ISCA1: variants seen among roughly 807,000 people sequenced by gnomAD.
ISCA1 encodes iron-sulfur cluster assembly 1 homolog, mitochondrial.
In ISCA1, 9 loss-of-function variants were observed where a neutral mutation model predicts 14.7. The observed-to-expected ratio is 0.61, with a 90% CI of 0.37 to 1.07. ISCA1 has a LOEUF of 1.07. ISCA1 is among the 50% of genes least tolerant of loss of function. The pLI is 0.01. For missense variants in ISCA1, 102 were observed against 150.1 expected (o/e 0.68, Z 1.67); for synonymous variants, 38 against 54.3 (o/e 0.70, Z 1.32).
At chr9:86,281,195 C>G (rs758901228) in intron 1 of ISCA1, among the ~76,000 whole-genome samples, 1 of 152,092 alleles carries the variant, frequency 6.6e-6, no homozygotes, top group Non-Finnish European at 1.5e-5. Flanking sequence ...CTTGCTCCTA[C>G]AGAAAAGAGG....
intron 2 of ISCA1, among the ~76,000 whole-genome samples, chr9:86,273,188 G>C (rs1825394332): frequency 6.6e-6 from 1 of 152,150 alleles, no homozygotes; most frequent in East Asian, 1.9e-4. Flanking sequence ...AATGTAGTAG[G>C]TTAACAACAG....
At chr9:86,273,957 C>A (rs1252044830) in intron 2 of ISCA1, among the ~76,000 whole-genome samples, 1 of 152,130 alleles carries the variant, frequency 6.6e-6, no homozygotes, top group African/African-American at 2.4e-5. Context: ...TGGAAGGATA[C>A]CAAAGAGATT....
At chr9:86,274,301 A>G in intron 1 of ISCA1, 59 bp from the exon 2 acceptor site, 1 of 1,143,938 alleles carries the variant, frequency 8.7e-7, no homozygotes, top group South Asian at 1.3e-5. Flanking sequence ...CCTCATATTT[A>G]TCAGTCTTCG....
At chr9:86,269,039 C>T (rs1287237529) in intron 3 of ISCA1, among the ~76,000 whole-genome samples, 3 of 152,046 alleles carry the variant, frequency 2.0e-5, no homozygotes, top group African/African-American at 7.2e-5. Context: ...CATGATCCAC[C>T]CACCTCGGCC....
chr9:86,268,167 G>A (rs1282413808), intron 3 of ISCA1, among the ~76,000 whole-genome samples: 1 of 151,960 alleles, frequency 6.6e-6, no homozygotes, highest in Non-Finnish European at 1.5e-5. Flanking sequence ...GAGGTATCCA[G>A]AAGAAGGCAT....
In ISCA1 at chr9:86,280,185, C is replaced by T. The variant is rs931445236; in HGVS notation, c.81+2193G>A. Among the ~76,000 whole-genome samples, 11 of 152,148 alleles carry T rather than the reference C, an allele frequency of 7.2e-5. No homozygotes were observed. In the South Asian group the frequency reaches 1.2e-3, roughly 17 times the overall value. On this transcript the variant is annotated intron_variant, in intron 1 of 3. Coordinates refer to ENST00000375991, the MANE Select transcript of ISCA1 (RefSeq NM_030940.4). ...AAAGGCTTGGCCTGCGACTGTGCCC[C>T]GTAGGCTGGGAACTGTATAACTCAT...
chr9:86,273,636 A>G (rs1331906119), intron 2 of ISCA1, among the ~76,000 whole-genome samples: 3 of 152,238 alleles, frequency 2.0e-5, no homozygotes, highest in African/African-American at 4.8e-5. Context: ...ATACACAGGA[A>G]TAACAAGCCC....
intron 2 of ISCA1, among the ~76,000 whole-genome samples, 200 bp downstream of exon 2, chr9:86,273,989 C>T (rs983448561): frequency 2.0e-5 from 3 of 152,144 alleles, no homozygotes; most frequent in Admixed American, 6.5e-5. Context: ...GGAAGAATGA[C>T]GACGAAGAGT....
chr9:86,273,942 A>G (rs1489214961), intron 2 of ISCA1, among the ~76,000 whole-genome samples: 1 of 152,232 alleles, frequency 6.6e-6, no homozygotes, highest in Non-Finnish European at 1.5e-5. Flanking sequence ...TGTATACATT[A>G]TCCCTGGAAG....
At position 86,265,733 on chromosome 9, in the gene ISCA1, A is replaced by T. The variant is rs143819870; in HGVS notation, c.*310T>A. On this transcript the variant is annotated 3_prime_UTR_variant, in exon 4 of 4. Coordinates refer to ENST00000375991, the MANE Select transcript of ISCA1 (RefSeq NM_030940.4). ...ATGCTGAGGGATGATCAAGCCATCA[A>T]TAGCGATCTAAGGAGTGCACACAGT... The T allele has an allele frequency of 2.7e-6, 1 of 373,722 alleles. No individual in the cohort carries two copies. The highest frequency in any genetic ancestry group is 5.1e-6 in the Non-Finnish European group (1 of 196,476). The allele number at this position is 373,722 out of a possible 1,614,324, so 23.2% of individuals were successfully genotyped here.
chr9:86,271,914 C>A (rs1587819036), intron 3 of ISCA1, 93 bp downstream of exon 3: 3 of 695,920 alleles, frequency 4.3e-6, no homozygotes, highest in East Asian at 2.6e-5. Context: ...TTACATAATT[C>A]CTGCTACTAT....
chr9:86,271,145 C>T (rs992819049), intron 3 of ISCA1, among the ~76,000 whole-genome samples: 2 of 151,936 alleles, frequency 1.3e-5, no homozygotes, highest in Non-Finnish European at 2.9e-5. Flanking sequence ...TGTTTAGGTA[C>T]GTTTACACAA....
intron 1 of ISCA1, among the ~76,000 whole-genome samples, chr9:86,280,786 T>C (rs1825502726): frequency 6.6e-6 from 1 of 151,716 alleles, no homozygotes; most frequent in South Asian, 2.1e-4. Flanking sequence ...CCTAGGTGCA[T>C]GCATGACGGT....
chr9:86,272,095 A>C lies in ISCA1; in HGVS notation c.153T>G (p.Gly51=). The change falls in exon 3 of 4, where the codon GGT becomes GGG. Residue 51 remains glycine (G), a synonymous_variant. Transcript: ENST00000375991. The stretch of plus-strand genomic sequence containing the variant: ...GGCCATTACAGCCCCTGGTTCGGAC[A>C]CCAACTTTTACACCTACCTGAAAAA... The part of the protein sequence containing the change: ...DKPEHVGVKV[G]VRTRGCNGLS... 1 of 1,592,716 alleles carries C rather than the reference A, an allele frequency of 6.3e-7. No individual in the cohort carries two copies. Among genetic ancestry groups the C allele is most frequent in the East Asian group, 2.2e-5 (1 of 44,760 alleles).
At chr9:86,268,453 A>AC (rs1825319617) in intron 3 of ISCA1, among the ~76,000 whole-genome samples, 2 of 151,696 alleles carry the variant, frequency 1.3e-5, no homozygotes, top group African/African-American at 4.8e-5. Context: ...CAAAAAAAAA[A>AC]AAAAAAACCC....
chr9:86,269,663 G>C lies in ISCA1; in HGVS notation c.241+2344C>G, dbSNP rs529383305. Among the ~76,000 whole-genome samples the C allele has an allele frequency of 1.1e-3, 172 of 151,784 alleles. 1 individual carries two copies. The highest frequency in any genetic ancestry group is 3.8e-3 in the African/African-American group (157 of 41,402). On this transcript the variant is annotated intron_variant, in intron 3 of 3. Transcript: ENST00000375991. Reference sequence around the variant, plus strand: ...ATCCTAAGCCAAAAGAACAAAGCTGGAGGCATCACGCTACTTGACTTCAAA... The same window carrying C: ...ATCCTAAGCCAAAAGAACAAAGCTGCAGGCATCACGCTACTTGACTTCAAA...
At chr9:86,269,269 A>T (rs1433240465) in intron 3 of ISCA1, among the ~76,000 whole-genome samples, 2 of 152,210 alleles carry the variant, frequency 1.3e-5, no homozygotes, top group South Asian at 4.1e-4. Flanking sequence ...AATGCACAAA[A>T]ATCACAAGCA....
chr9:86,270,714 C>T (rs1247685727), intron 3 of ISCA1, among the ~76,000 whole-genome samples: 1 of 151,522 alleles, frequency 6.6e-6, no homozygotes, highest in African/African-American at 2.4e-5. Flanking sequence ...CAGTGATAGA[C>T]TGGATTAAGA....
intron 3 of ISCA1, among the ~76,000 whole-genome samples, chr9:86,271,487 T>G (rs1024302635): frequency 1.3e-5 from 2 of 152,186 alleles, no homozygotes; most frequent in African/African-American, 4.8e-5. Context: ...TTCCTCTGAG[T>G]GTCATGTCAG....
Sources: gnomAD v4.1 joint callset for allele counts (sites outside exome capture counted in the v4.1 genomes callset) on GRCh38, gnomAD v4.1.1 for gene constraint, MANE v1.5 for transcripts, NCBI Gene and HGNC (gene_info 2026-07-23, HGNC 2026-07-21) for gene names.